The following GIMAP8 variants were observed in gnomAD, a reference collection of about 807,000 sequenced individuals.
GIMAP8 encodes the protein GTPase, IMAP family member 8.
A neutral mutation model predicts 35.6 loss-of-function variants in GIMAP8; 29 were observed. The observed-to-expected ratio is 0.81, with a 90% CI of 0.61 to 1.11. GIMAP8 has a LOEUF of 1.11. Ranked by LOEUF, GIMAP8 falls within the 50% of genes most tolerant of loss-of-function variation. The pLI, the probability that GIMAP8 is intolerant of heterozygous loss-of-function variation, is 0.00. For missense variants in GIMAP8, 811 were observed against 805.0 expected (o/e 1.01, Z -0.09); for synonymous variants, 335 against 308.7 (o/e 1.09, Z -0.89).
In GIMAP8 at chr7:150,479,106, GA is replaced by G. The variant is rs1802310461; in HGVS notation, c.*1330del. On this transcript the variant is annotated 3_prime_UTR_variant, in exon 5 of 5. Coordinates refer to ENST00000307271, the MANE Select transcript of GIMAP8 (RefSeq NM_175571.4). The stretch of plus-strand genomic sequence containing the variant: ...ATAACCCTTAACACAATAACTTCTA[GA>G]AAATGTGTGTGCCGTAGACACAAAG... The G allele has an allele frequency of 6.6e-6, 1 of 152,096 alleles. No individual in the cohort carries two copies. Among genetic ancestry groups the G allele is most frequent in the African/African-American group, 2.4e-5 (1 of 41,376 alleles). The allele number at this position is 152,096 out of a possible 1,614,324, so 9.4% of individuals were successfully genotyped here. A position where few individuals can be genotyped will look rare whatever the true frequency, so the allele number is the denominator to read the frequency against.
At chr7:150,461,321 T>G (rs1801840245) in intron 1 of GIMAP8, among the ~76,000 whole-genome samples, 1 of 152,198 alleles carries the variant, frequency 6.6e-6, no homozygotes, top group Non-Finnish European at 1.5e-5. Flanking sequence ...ATGTTGAAAC[T>G]GGGGTATTAA....
Position 150,478,301 on chromosome 7 carries a change from C to T in GIMAP8, c.*521C>T, listed in dbSNP as rs984892282. 6.9e-5 allele frequency: 11 copies of T among 158,318 alleles called. No individual in the cohort carries two copies. Among genetic ancestry groups the T allele is most frequent in the African/African-American group, 1.7e-4 (7 of 41,600 alleles). 9.8% of individuals were successfully genotyped at this position (158,318 alleles called of 1,614,324 possible). ...GAGCTCTCCTGTCTCCTTTGGGATG[C>T]GACTTAGGGCTAGAGTGTTCTTTTC... On this transcript the variant is annotated 3_prime_UTR_variant, in exon 5 of 5. Coordinates refer to ENST00000307271, the MANE Select transcript of GIMAP8 (RefSeq NM_175571.4).
At chr7:150,467,743 C>G (rs557754629) in intron 2 of GIMAP8, among the ~76,000 whole-genome samples, 1 of 152,286 alleles carries the variant, frequency 6.6e-6, no homozygotes, top group South Asian at 2.1e-4. Flanking sequence ...TGAACATCCT[C>G]AGGGCTTGGT....
Position 150,474,632 on chromosome 7 carries a change from G to GA in GIMAP8, c.1308dup (p.Glu437ArgfsTer86). 1 of 1,578,068 alleles carries GA rather than the reference G, an allele frequency of 6.3e-7. No homozygotes were observed. The highest frequency in any genetic ancestry group is 8.6e-7 in the Non-Finnish European group (1 of 1,166,160). Reference sequence around the variant, plus strand: ...TGGGAACAAGCATTGTGTTTTCAGAGAAAAAGGTAAAACTGTGAATAGGAT... The same window carrying GA: ...TGGGAACAAGCATTGTGTTTTCAGAGAAAAAAGGTAAAACTGTGAATAGGAT... On this transcript the variant is annotated frameshift_variant, in exon 4 of 5. Coordinates refer to ENST00000307271, the MANE Select transcript of GIMAP8 (RefSeq NM_175571.4). LOFTEE classifies it low-confidence loss of function (END_TRUNC).
Position 150,477,351 on chromosome 7 carries a change from AGG to A in GIMAP8, c.1572_1573del (p.Asp525HisfsTer14), listed in dbSNP as rs1391171362. ...VKRCLSCCEK[G>X]DTFFVLVFQL... ...AGCGCTGTTTGTCCTGCTGTGAAAAAGGGGACACATTTTTTGTCCTGGTGTTC... is the reference window on the plus strand; with the variant it reads ...AGCGCTGTTTGTCCTGCTGTGAAAAAGGACACATTTTTTGTCCTGGTGTTC... On this transcript the variant is annotated frameshift_variant, in exon 5 of 5. Transcript: ENST00000307271. LOFTEE classifies it low-confidence loss of function (END_TRUNC). 1 of 1,614,194 alleles carries A rather than the reference AGG, an allele frequency of 6.2e-7. No individual in the cohort carries two copies.
Position 150,478,023 on chromosome 7 carries a change from C to T in GIMAP8, c.*243C>T, listed in dbSNP as rs1402587582. The T allele has an allele frequency of 3.7e-6, 2 of 534,918 alleles. No individual in the cohort carries two copies. Among genetic ancestry groups the T allele is most frequent in the East Asian group, 6.1e-5 (2 of 33,006 alleles). The allele number at this position is 534,918 out of a possible 1,614,324, so 33.1% of individuals were successfully genotyped here. ...GGTGGGGAAATCTGGAAAAAGATTT[C>T]AGACATTAGGCTGATAATAAGTGGT... On this transcript the variant is annotated 3_prime_UTR_variant, in exon 5 of 5. Coordinates refer to ENST00000307271, the MANE Select transcript of GIMAP8 (RefSeq NM_175571.4).
rs892488828 is a variant in GIMAP8, at chr7:150,478,764, A to G, written c.*984A>G. 6.6e-6 allele frequency: 1 copy of G among 152,148 alleles called. No homozygotes were observed. Among genetic ancestry groups the G allele is most frequent in the South Asian group, 2.1e-4 (1 of 4,826 alleles). The allele number at this position is 152,148 out of a possible 1,614,324, so 9.4% of individuals were successfully genotyped here. On this transcript the variant is annotated 3_prime_UTR_variant, in exon 5 of 5. Coordinates refer to ENST00000307271, the MANE Select transcript of GIMAP8 (RefSeq NM_175571.4). Reference sequence around the variant, plus strand: ...GGCGTCAACATCCCAGTTTTGTTCTATCTTTCTGTCCCACCTGCACTGGGA... The same window carrying G: ...GGCGTCAACATCCCAGTTTTGTTCTGTCTTTCTGTCCCACCTGCACTGGGA...
intron 2 of GIMAP8, 99 bp from the exon 3 acceptor site, chr7:150,470,730 T>C: frequency 4.8e-6 from 4 of 838,290 alleles, no homozygotes; most frequent in Non-Finnish European, 7.5e-6. Context: ...TCATTCTGAA[T>C]TAATACTTCA....
intron 4 of GIMAP8, among the ~76,000 whole-genome samples, chr7:150,474,970 C>A (rs564474941): frequency 6.6e-6 from 1 of 151,122 alleles, no homozygotes; most frequent in Non-Finnish European, 1.5e-5. Context: ...TGAGAATATG[C>A]GGTGTTTGGT....
At chr7:150,452,643 A>G (rs1328934908) in intron 1 of GIMAP8, among the ~76,000 whole-genome samples, 15 of 126,874 alleles carry the variant, frequency 1.2e-4, no homozygotes, top group African/African-American at 3.2e-4. Context: ...ATGTATATAT[A>G]TGTGTGTATA....
intron 1 of GIMAP8, among the ~76,000 whole-genome samples, chr7:150,452,688 A>G (rs1231647676): frequency 9.7e-6 from 1 of 102,956 alleles, no homozygotes; most frequent in South Asian, 3.6e-4. Context: ...ATATATATAT[A>G]TATATATATA....
Position 150,455,839 on chromosome 7 carries a change from G to A in GIMAP8, c.-29+4664G>A, listed in dbSNP as rs149050519. On this transcript the variant is annotated intron_variant, in intron 1 of 4. Coordinates refer to ENST00000307271, the MANE Select transcript of GIMAP8 (RefSeq NM_175571.4). The stretch of plus-strand genomic sequence containing the variant: ...CTCTTAAATCATCAGAATATTAAGT[G>A]CTCATTTAACAAAGAGTTGGTCTCT... Among the ~76,000 whole-genome samples the A allele has an allele frequency of 3.1e-3, 474 of 152,294 alleles. 4 individuals carry two copies. Among genetic ancestry groups the A allele is most frequent in the South Asian group, 0.023 (112 of 4,824 alleles).
intron 2 of GIMAP8, 22 bp from the exon 3 acceptor site, chr7:150,470,807 A>C (rs550705017): frequency 8.9e-7 from 1 of 1,129,364 alleles, no homozygotes; most frequent in Non-Finnish European, 1.2e-6. Flanking sequence ...TGTGTGCACT[A>C]TTTTGTTCCT....
chr7:150,468,432 C>G (rs1802020613), intron 2 of GIMAP8, among the ~76,000 whole-genome samples: 1 of 152,100 alleles, frequency 6.6e-6, no homozygotes, highest in African/African-American at 2.4e-5. Context: ...GGGATGCTAG[C>G]ACAGAGGATT....
chr7:150,467,082 C>T lies in GIMAP8; in HGVS notation c.384C>T (p.His128=). Residue 128 remains histidine (H), a synonymous_variant, in exon 2 of 5, where the codon CAC becomes CAT. Transcript: ENST00000307271. ...TGTTTGGAGCTGAAGCCAGGAGGCACATCATTATTGTCTTCACTCGGAAGG... is the reference window on the plus strand; with the variant it reads ...TGTTTGGAGCTGAAGCCAGGAGGCATATCATTATTGTCTTCACTCGGAAGG... ...QQVFGAEARR[H]IIIVFTRKDD... is the part of the protein sequence containing the mutation. The T allele has an allele frequency of 4.3e-6, 7 of 1,614,184 alleles. No homozygotes were observed. The highest frequency in any genetic ancestry group is 5.9e-6 in the Non-Finnish European group (7 of 1,180,036).
intron 1 of GIMAP8, among the ~76,000 whole-genome samples, chr7:150,452,903 A>G (rs1021665424): frequency 2.7e-5 from 4 of 150,886 alleles, no homozygotes; most frequent in South Asian, 2.1e-4. Flanking sequence ...CTCAGTTCTA[A>G]AAACCGTTTT....
intron 2 of GIMAP8, among the ~76,000 whole-genome samples, chr7:150,470,482 T>TG (rs1802063044): frequency 6.6e-6 from 1 of 151,128 alleles, no homozygotes; most frequent in African/African-American, 2.4e-5. Context: ...TTGCCAGACT[T>TG]GGGGGGGTGG....
At chr7:150,470,928 T>A in intron 3 of GIMAP8, 54 bp downstream of exon 3, 1 of 1,249,216 alleles carries the variant, frequency 8.0e-7, no homozygotes, top group Non-Finnish European at 1.2e-6. Flanking sequence ...TTTGAATGCA[T>A]TCTGCAGCCA....
At chr7:150,471,093 G>A (rs947114350) in intron 3 of GIMAP8, among the ~76,000 whole-genome samples, 2 of 152,152 alleles carry the variant, frequency 1.3e-5, no homozygotes, top group African/African-American at 2.4e-5. Flanking sequence ...GGTGTCCTTG[G>A]ACTTTTCTGA....
Sources: allele counts gnomAD v4.1 joint callset (sites outside exome capture counted in the v4.1 genomes callset), GRCh38; gene constraint gnomAD v4.1.1; transcripts MANE v1.5; gene names NCBI Gene and HGNC (gene_info 2026-07-23, HGNC 2026-07-21).